The following PEX5L variants were observed in gnomAD, a reference collection of about 807,000 sequenced individuals.
PEX5L encodes the protein peroxisomal biogenesis factor 5 like.
In PEX5L, 30 loss-of-function variants were observed where a neutral mutation model predicts 84.0. The observed-to-expected ratio is 0.36, with a 90% confidence interval of 0.27 to 0.48. The LOEUF (loss-of-function observed/expected upper bound fraction) is 0.48, where lower values mean the gene tolerates loss of function less well. Among genes scored for constraint, PEX5L ranks in the 20% least tolerant of loss-of-function variants. The pLI, the probability that PEX5L is intolerant of heterozygous loss-of-function variation, is 0.99. For synonymous variants in PEX5L, 270 were observed against 283.1 expected (o/e 0.95, Z 0.46); for missense variants, 533 against 754.6 (o/e 0.71, Z 3.44).
Position 180,004,136 on chromosome 3 carries a change from C to A in PEX5L, c.21+32443G>T, listed in dbSNP as rs146977640. The stretch of plus-strand genomic sequence containing the variant: ...GTCATCCTACAAATTTATTTTTTGC[C>A]GTTGAACTGACTAAAAAAACCCCTG... On this transcript the variant is annotated intron_variant, in intron 1 of 14. Transcript: ENST00000467460. Among the ~76,000 whole-genome samples, 17 of 152,126 alleles carry A rather than the reference C, an allele frequency of 1.1e-4. No homozygotes were observed. The East Asian group carries it at 2.9e-3, about 26-fold the overall frequency.
chr3:179,908,473 T>G (rs1461422742), intron 2 of PEX5L, among the ~76,000 whole-genome samples: 1 of 152,230 alleles, frequency 6.6e-6, no homozygotes, highest in Non-Finnish European at 1.5e-5. Flanking sequence ...CTTTTTTTAT[T>G]TTATTATTGT....
intron 7 of PEX5L, among the ~76,000 whole-genome samples, chr3:179,869,331 CTTTCTGTGTT>C (rs1413198194): frequency 5.0e-4 from 76 of 152,278 alleles, no homozygotes; most frequent in African/African-American, 1.8e-3. Flanking sequence ...TTTTATGTTA[CTTTCTGTGTT>C]TTTCTTAATT....
intron 14 of PEX5L, among the ~76,000 whole-genome samples, chr3:179,807,257 TG>T (rs2108747623): frequency 7.0e-6 from 1 of 141,936 alleles, no homozygotes; most frequent in East Asian, 2.0e-4. Context: ...TGGGACTTTC[TG>T]AAAGTCATTT....
intron 1 of PEX5L, among the ~76,000 whole-genome samples, chr3:180,018,134 C>T (rs1790097722): frequency 6.6e-6 from 1 of 152,162 alleles, no homozygotes; most frequent in South Asian, 2.1e-4. Flanking sequence ...ATTAGAACAT[C>T]CTTTCCCACC....
intron 1 of PEX5L, among the ~76,000 whole-genome samples, chr3:179,997,900 C>T (rs1465657404): frequency 6.6e-6 from 1 of 152,228 alleles, no homozygotes; most frequent in East Asian, 1.9e-4. Flanking sequence ...TGTCCTACCT[C>T]AGGGGTATAT....
rs1056322974 is a variant in PEX5L, at chr3:179,796,537, T to C, written c.*5291A>G. Reference sequence around the variant, plus strand: ...GTGTTTTTTTTTTTCCTCTTAACTGTTTAATGCCTCCCCACAATCGTCTTT... The same window carrying C: ...GTGTTTTTTTTTTTCCTCTTAACTGCTTAATGCCTCCCCACAATCGTCTTT... On this transcript the variant is annotated 3_prime_UTR_variant, in exon 15 of 15. Coordinates refer to ENST00000467460, the MANE Select transcript of PEX5L (RefSeq NM_016559.3). The C allele has an allele frequency of 6.6e-6, 1 of 152,052 alleles. No individual in the cohort carries two copies. Among genetic ancestry groups the C allele is most frequent in the Middle Eastern group, 3.2e-3 (1 of 316 alleles). 9.4% of individuals were successfully genotyped at this position (152,052 alleles called of 1,614,324 possible). A position where few individuals can be genotyped will look rare whatever the true frequency, so the allele number is the denominator to read the frequency against.
At chr3:179,849,229 T>C (rs1168771673) in intron 8 of PEX5L, among the ~76,000 whole-genome samples, 1 of 152,252 alleles carries the variant, frequency 6.6e-6, no homozygotes, top group Non-Finnish European at 1.5e-5. Flanking sequence ...TTATACAATG[T>C]ATTTTGTAAT....
Position 180,001,520 on chromosome 3 carries a change from G to A in PEX5L, c.22-29855C>T, listed in dbSNP as rs193240946. 6.7e-4 allele frequency among the ~76,000 whole-genome samples: 102 copies of A among 151,684 alleles called. 2 individuals are homozygous for A. The East Asian group carries it at 0.017, about 25-fold the overall frequency. ...TTTTTTTTTGTTGTCATTGCTCATA[G>A]AGGAACGCTTCAAACCATATATTTG... On this transcript the variant is annotated intron_variant, in intron 1 of 14. Coordinates refer to ENST00000467460, the MANE Select transcript of PEX5L (RefSeq NM_016559.3).
chr3:179,900,628 A>C, intron 2 of PEX5L: 1 of 1,340,354 alleles, frequency 7.5e-7, no homozygotes, highest in South Asian at 1.3e-5. Flanking sequence ...GATGTACAAT[A>C]AATACATGCG....
intron 1 of PEX5L, among the ~76,000 whole-genome samples, chr3:180,024,762 C>T (rs77067759): frequency 6.6e-6 from 1 of 151,826 alleles, no homozygotes; most frequent in Non-Finnish European, 1.5e-5. Context: ...TATAAGCAAC[C>T]CTTACAACAG....
chr3:180,004,964 G>T (rs1450978073), intron 1 of PEX5L, among the ~76,000 whole-genome samples: 1 of 152,114 alleles, frequency 6.6e-6, no homozygotes, highest in Non-Finnish European at 1.5e-5. Context: ...GTGGTGTCTA[G>T]AATACATTAA....
chr3:179,974,146 A>G, intron 1 of PEX5L: 2 of 985,476 alleles, frequency 2.0e-6, no homozygotes, highest in Non-Finnish European at 2.4e-6. Context: ...TCTTCTATCT[A>G]TGCACTTTTG....
intron 1 of PEX5L, among the ~76,000 whole-genome samples, chr3:180,005,511 G>A (rs546648713): frequency 6.6e-6 from 1 of 152,172 alleles, no homozygotes; most frequent in South Asian, 2.1e-4. Context: ...GGTGGATCAC[G>A]AGGTCAAGAG....
intron 4 of PEX5L, among the ~76,000 whole-genome samples, chr3:179,886,109 T>G (rs1391693230): frequency 6.6e-6 from 1 of 152,252 alleles, no homozygotes; most frequent in East Asian, 1.9e-4. Context: ...GGATCCTTTC[T>G]AAGTGACTTA....
At chr3:179,810,752 A>G (rs1429148178) in intron 11 of PEX5L, among the ~76,000 whole-genome samples, 2 of 152,168 alleles carry the variant, frequency 1.3e-5, no homozygotes, top group African/African-American at 4.8e-5. Context: ...TGCACATTAC[A>G]AACACCTGGG....
chr3:179,993,624 T>G (rs1384193335), intron 1 of PEX5L, among the ~76,000 whole-genome samples: 2 of 152,032 alleles, frequency 1.3e-5, no homozygotes, highest in Non-Finnish European at 2.9e-5. Flanking sequence ...CTCAGCCTCC[T>G]GAGTAGCTGG....
chr3:179,802,720 GGAA>G (rs1162096097), intron 14 of PEX5L, among the ~76,000 whole-genome samples: 3 of 152,104 alleles, frequency 2.0e-5, no homozygotes, highest in Non-Finnish European at 4.4e-5. Flanking sequence ...AGGTTTAAGA[GGAA>G]GAATATAGCC....
intron 1 of PEX5L, among the ~76,000 whole-genome samples, chr3:179,972,778 A>T (rs984003864): frequency 5.3e-5 from 8 of 151,204 alleles, no homozygotes; most frequent in Non-Finnish European, 1.2e-4. Context: ...AGATTTACAC[A>T]TTTTTTTCCC....
chr3:179,843,119 C>T (rs1737929427), intron 8 of PEX5L, among the ~76,000 whole-genome samples: 1 of 152,108 alleles, frequency 6.6e-6, no homozygotes, highest in African/African-American at 2.4e-5. Context: ...TTGGAATATT[C>T]TTTTTTAGTG....
Sources: gnomAD v4.1 joint callset for allele counts (sites outside exome capture counted in the v4.1 genomes callset) on GRCh38, gnomAD v4.1.1 for gene constraint, MANE v1.5 for transcripts, NCBI Gene and HGNC (gene_info 2026-07-23, HGNC 2026-07-21) for gene names.